Variants in DAP3 observed in about 807,000 individuals in gnomAD.
DAP3 encodes the protein small ribosomal subunit protein mS29.
DAP3 carries 28 observed loss-of-function variants against 51.9 expected under a neutral mutation model. The ratio of observed to expected loss-of-function variants is 0.54; its 90% confidence interval spans 0.40 to 0.74. The LOEUF is 0.74. Among genes scored for constraint, DAP3 ranks in the 30% least tolerant of loss-of-function variants. The pLI is 0.00. For synonymous variants in DAP3, 170 were observed against 170.3 expected, an observed-to-expected ratio of 1.00 and a Z score of 0.01; for missense variants, 458 against 483.5, an observed-to-expected ratio of 0.95 and a Z score of 0.49.
At chr1:155,711,504 A>G (rs1397884569) in intron 2 of DAP3, among the ~76,000 whole-genome samples, 1 of 152,122 alleles carries the variant, frequency 6.6e-6, no homozygotes, top group African/African-American at 2.4e-5. Context: ...AAAGAAAAAA[A>G]AAAATTTCCT....
intron 1 of DAP3, among the ~76,000 whole-genome samples, chr1:155,696,700 T>G (rs1045930282): frequency 1.3e-5 from 2 of 152,248 alleles, no homozygotes; most frequent in African/African-American, 4.8e-5. Flanking sequence ...TGGAAATTGA[T>G]CTCTAACTAG....
At chr1:155,714,251 T>C (rs1657064537) in intron 2 of DAP3, among the ~76,000 whole-genome samples, 1 of 152,164 alleles carries the variant, frequency 6.6e-6, no homozygotes, top group African/African-American at 2.4e-5. Flanking sequence ...ATTTTTTTAT[T>C]GTCGGGGTCT....
chr1:155,709,779 G>A lies in DAP3; in HGVS notation c.-1G>A, dbSNP rs747962666. 3.1e-6 allele frequency: 5 copies of A among 1,612,244 alleles called. No homozygotes were observed. The Admixed American group carries it at 8.3e-5, about 27-fold the overall frequency. ...TTTTTTTTTTTTGTAACAGTGCAAG[G>A]ATGATGCTGAAAGGAATAACAAGGC... On this transcript the variant is annotated 5_prime_UTR_variant, in exon 2 of 13. Coordinates refer to ENST00000368336, the MANE Select transcript of DAP3 (RefSeq NM_004632.4).
intron 4 of DAP3, among the ~76,000 whole-genome samples, chr1:155,722,428 A>G (rs951768717): frequency 6.6e-6 from 1 of 152,116 alleles, no homozygotes; most frequent in African/African-American, 2.4e-5. Flanking sequence ...AAAATAAGGT[A>G]TAACAGGCCA....
intron 1 of DAP3, among the ~76,000 whole-genome samples, chr1:155,695,176 G>A (rs545622614): frequency 1.3e-5 from 2 of 152,330 alleles, no homozygotes; most frequent in Middle Eastern, 3.4e-3. Flanking sequence ...GAAAGCAAGT[G>A]TCTTTTTATA....
rs1659216294 is a variant in DAP3 at position 155,731,268 on chromosome 1, A to C, written c.844-88A>C. On this transcript the variant is annotated intron_variant, in intron 9 of 12. Transcript: ENST00000368336. ...GGCGACAGAGCGAGACTCTGTCAAA[A>C]AAAAAAAAAAATTGTTGTCAATTGT... is the stretch of plus-strand genomic sequence containing the variant. The C allele has an allele frequency of 2.1e-6, 3 of 1,443,900 alleles. No homozygotes were observed. The South Asian group carries it at 3.5e-5, about 17-fold the overall frequency. The allele number at this position is 1,443,900 out of a possible 1,614,324, so 89.4% of individuals were successfully genotyped here. A position where few individuals can be genotyped will look rare whatever the true frequency, so the allele number is the denominator to read the frequency against.
chr1:155,721,478 T>C (rs781137992), intron 3 of DAP3, 39 bp from the exon 4 acceptor site: 229 of 1,599,384 alleles, frequency 1.4e-4, no homozygotes, highest in East Asian at 4.9e-4. Flanking sequence ...TCTTGGTCAC[T>C]TTGTCACCAT....
intron 1 of DAP3, among the ~76,000 whole-genome samples, chr1:155,699,799 G>A (rs1220539877): frequency 6.6e-6 from 1 of 152,042 alleles, no homozygotes; most frequent in African/African-American, 2.4e-5. Context: ...ATTTTTGGTA[G>A]AGGACAAGGT....
intron 11 of DAP3, among the ~76,000 whole-genome samples, chr1:155,736,230 G>A (rs1366020796): frequency 2.6e-5 from 4 of 152,088 alleles, no homozygotes; most frequent in South Asian, 2.1e-4. Flanking sequence ...GACCTCAGGC[G>A]ATCTGCCCTC....
At chr1:155,709,501 C>G (rs1258902015) in intron 1 of DAP3, among the ~76,000 whole-genome samples, 1 of 152,010 alleles carries the variant, frequency 6.6e-6, no homozygotes, top group Non-Finnish European at 1.5e-5. Flanking sequence ...TGAATGGTAT[C>G]TGGTTTTCAT....
chr1:155,704,595 A>G (rs937463964), intron 1 of DAP3, among the ~76,000 whole-genome samples: 1 of 152,220 alleles, frequency 6.6e-6, no homozygotes, highest in Non-Finnish European at 1.5e-5. Context: ...TCCCAGTCTT[A>G]TTCACCACTA....
At chr1:155,723,471 G>C (rs1658222619) in intron 4 of DAP3, among the ~76,000 whole-genome samples, 2 of 152,154 alleles carry the variant, frequency 1.3e-5, no homozygotes, top group African/African-American at 2.4e-5. Context: ...TGGGATTACA[G>C]GTGCTCGCCA....
chr1:155,725,830 C>T, intron 5 of DAP3, 97 bp from the exon 6 acceptor site: 1 of 1,163,504 alleles, frequency 8.6e-7, no homozygotes, highest in Non-Finnish European at 1.2e-6. Flanking sequence ...AGCCACTGCA[C>T]TCCAACCCCA....
chr1:155,688,418 C>T (rs1652993194), upstream of DAP3: 3 of 1,546,182 alleles, frequency 1.9e-6, no homozygotes, highest in Admixed American at 2.0e-5. Context: ...ACTCCTCCCT[C>T]CTCGCGTTCT....
At chr1:155,719,235 T>A (rs1657706940) in intron 3 of DAP3, among the ~76,000 whole-genome samples, 2 of 1,008 alleles carry the variant, frequency 2.0e-3, no homozygotes, top group African/African-American at 2.7e-3. Context: ...CTAAAACAAT[T>A]TTTTTTTTTT....
chr1:155,727,556 G>A (rs1196491568), intron 6 of DAP3, 52 bp from the exon 7 acceptor site: 37 of 1,587,100 alleles, frequency 2.3e-5, no homozygotes, highest in Non-Finnish European at 3.0e-5. Context: ...AATATTTCGA[G>A]TTGAATACAG....
rs138446980 is a variant in DAP3 at position 155,722,842 on chromosome 1, C to T, written c.270+1224C>T. The stretch of plus-strand genomic sequence containing the variant: ...AAAAAAATTTTGTTGAAGAAATCAT[C>T]TGCAGTGGCACTTTAAACTGTTCCA... On this transcript the variant is annotated intron_variant, in intron 4 of 12. Transcript: ENST00000368336. Among the ~76,000 whole-genome samples, 159 of 152,258 alleles carry T rather than the reference C, an allele frequency of 1.0e-3. 1 individual carries two copies. Among genetic ancestry groups the T allele is most frequent in the African/African-American group, 3.7e-3 (153 of 41,552 alleles).
At chr1:155,707,296 C>T (rs1044463209) in intron 1 of DAP3, among the ~76,000 whole-genome samples, 1 of 150,606 alleles carries the variant, frequency 6.6e-6, no homozygotes, top group African/African-American at 2.5e-5. Flanking sequence ...GCCTGTAGTC[C>T]CAGCTACTCG....
At chr1:155,725,619 T>G in intron 5 of DAP3, 129 bp downstream of exon 5, 3 of 908,092 alleles carry the variant, frequency 3.3e-6, no homozygotes, top group Non-Finnish European at 5.1e-6. Context: ...TCCCAGGAGT[T>G]TGGGAAGCCG....
Sources: gnomAD v4.1 joint callset for allele counts (sites outside exome capture counted in the v4.1 genomes callset) on GRCh38, gnomAD v4.1.1 for gene constraint, MANE v1.5 for transcripts, NCBI Gene and HGNC (gene_info 2026-07-23, HGNC 2026-07-21) for gene names.